The following PTK2 variants were observed in gnomAD, a reference collection of about 807,000 sequenced individuals.
PTK2 encodes the protein protein tyrosine kinase 2.
PTK2 carries 45 observed loss-of-function variants against 150.1 expected under a neutral mutation model. The observed-to-expected ratio is 0.30, with a 90% CI of 0.24 to 0.38. The LOEUF is 0.38. PTK2 is among the 10% of genes least tolerant of loss of function. The pLI is 1.00. For synonymous variants in PTK2, 432 were observed against 449.2 expected (o/e 0.96, Z 0.48); for missense variants, 919 against 1,307.3 (o/e 0.70, Z 4.58).
chr8:140,911,048 T>A (rs1280950613), intron 2 of PTK2, among the ~76,000 whole-genome samples: 1 of 53,460 alleles, frequency 1.9e-5, no homozygotes, highest in Non-Finnish European at 7.3e-5. Flanking sequence ...CCAGCTAAAT[T>A]TTTTTTTTTT....
intron 10 of PTK2, among the ~76,000 whole-genome samples, chr8:140,809,705 CTG>C (rs1469100859): frequency 6.6e-6 from 1 of 152,132 alleles, no homozygotes; most frequent in East Asian, 1.9e-4. Context: ...ACTTGGGAGA[CTG>C]AGGCAGGAGA....
At chr8:140,927,975 A>AAAAAAAAATATATAT in intron 1 of PTK2, among the ~76,000 whole-genome samples, 2 of 48,196 alleles carry the variant, frequency 4.1e-5, no homozygotes, top group African/African-American at 9.8e-5. Context: ...AAAAAAAAAA[A>AAAAAAAAATATATAT]ATATATATAT....
intron 22 of PTK2, among the ~76,000 whole-genome samples, chr8:140,720,232 CT>C (rs2100042135): frequency 6.6e-6 from 1 of 152,052 alleles, no homozygotes; most frequent in Non-Finnish European, 1.5e-5. Flanking sequence ...TTCAATTTTC[CT>C]TATTTATTTT....
chr8:140,827,186 C>CTA (rs2100112281), intron 8 of PTK2, among the ~76,000 whole-genome samples: 1 of 152,122 alleles, frequency 6.6e-6, no homozygotes, highest in Non-Finnish European at 1.5e-5. Context: ...CCCCTCAACT[C>CTA]CTACCTCAGC....
intron 8 of PTK2, among the ~76,000 whole-genome samples, chr8:140,826,662 T>C (rs555895414): frequency 1.3e-5 from 2 of 152,288 alleles, no homozygotes; most frequent in South Asian, 4.1e-4. Context: ...ACATCCGTAA[T>C]CCCAGCACTT....
chr8:140,811,036 C>A (rs1191323222), intron 10 of PTK2, among the ~76,000 whole-genome samples: 1 of 152,236 alleles, frequency 6.6e-6, no homozygotes, highest in Non-Finnish European at 1.5e-5. Context: ...CCACTAGCAA[C>A]CTGCCGGGCT....
exon 32 of PTK2, chr8:140,659,186 G>A: frequency 2.2e-6 from 1 of 456,344 alleles, no homozygotes; most frequent in Non-Finnish European, 3.9e-6. Flanking sequence ...TCTTCATGAT[G>A]CTTAAAAGCT....
chr8:140,708,969 A>C (rs1223603825), intron 23 of PTK2, among the ~76,000 whole-genome samples: 1 of 39,222 alleles, frequency 2.5e-5, no homozygotes, highest in Admixed American at 1.9e-4. Flanking sequence ...AAATTCAGGC[A>C]AAAAAAAAAA....
At chr8:140,737,500 C>CT (rs753440589) in intron 21 of PTK2, among the ~76,000 whole-genome samples, 1 of 152,160 alleles carries the variant, frequency 6.6e-6, no homozygotes, top group Non-Finnish European at 1.5e-5. Flanking sequence ...TTCTAGGAAA[C>CT]TTTATTAGTT....
exon 1 of PTK2, chr8:141,001,168 G>C (rs1435241793): frequency 6.6e-6 from 1 of 150,878 alleles, no homozygotes; most frequent in Non-Finnish European, 1.5e-5. Flanking sequence ...AGACGACGAC[G>C]GGGCGGCGCT....
intron 4 of PTK2, among the ~76,000 whole-genome samples, chr8:140,865,966 G>C (rs1393751838): frequency 2.6e-5 from 4 of 152,050 alleles, no homozygotes; most frequent in African/African-American, 7.2e-5. Flanking sequence ...TGTATTTTTA[G>C]TAGGGCTGGG....
chr8:140,735,424 A>G, exon 22 of PTK2: 1 of 1,614,130 alleles, frequency 6.2e-7, no homozygotes, highest in Non-Finnish European at 8.5e-7. Context: ...AAGGCTTCAC[A>G]CCATGCATCA....
chr8:140,751,059 C>T (rs368973741), intron 17 of PTK2, among the ~76,000 whole-genome samples: 4 of 151,974 alleles, frequency 2.6e-5, no homozygotes, highest in East Asian at 1.9e-4. Flanking sequence ...CACAGCGAGA[C>T]CCGAGACAGA....
At chr8:140,960,710 G>C (rs1009302481) in intron 1 of PTK2, among the ~76,000 whole-genome samples, 13 of 152,090 alleles carry the variant, frequency 8.5e-5, no homozygotes, top group Admixed American at 3.9e-4. Flanking sequence ...GGCTGGGCGC[G>C]GTGGCTCACT....
At chr8:140,940,421 T>A (rs190728762) in intron 1 of PTK2, 20 of 151,882 alleles carry the variant, frequency 1.3e-4, no homozygotes, top group African/African-American at 4.8e-4. Flanking sequence ...TGCACTCCAG[T>A]CTGGGTGACA....
Position 140,950,263 on chromosome 8 carries a change from C to T in PTK2, c.-121-24514G>A, listed in dbSNP as rs188054669. On this transcript the variant is annotated intron_variant, in intron 1 of 31. Transcript: ENST00000522684. ...CTCCTGCTTGCCATGTTGTGAGCAA[C>T]GAGCAGAGGAGAATCCCCGAGCCAG... Among the ~76,000 whole-genome samples, 14 of 152,324 alleles carry T rather than the reference C, an allele frequency of 9.2e-5. No homozygotes were observed. In the South Asian group the frequency reaches 2.1e-3, roughly 23 times the overall value.
At chr8:140,829,470 T>C (rs778233766) in intron 8 of PTK2, among the ~76,000 whole-genome samples, 3 of 152,232 alleles carry the variant, frequency 2.0e-5, no homozygotes, top group Non-Finnish European at 2.9e-5. Context: ...CTCTCTCTTT[T>C]GGTCTTTCTA....
intron 16 of PTK2, among the ~76,000 whole-genome samples, chr8:140,753,244 G>A (rs1016783269): frequency 1.3e-5 from 2 of 152,192 alleles, no homozygotes; most frequent in African/African-American, 4.8e-5. Flanking sequence ...TGAGATTCTG[G>A]TTATACTCTG....
intron 2 of PTK2, among the ~76,000 whole-genome samples, chr8:140,901,793 T>A (rs148527724): frequency 2.6e-5 from 4 of 152,210 alleles, no homozygotes; most frequent in Admixed American, 6.5e-5. Context: ...CTCATAACGC[T>A]ATCCCTCCCC....
Sources: gnomAD v4.1 joint callset for allele counts (sites outside exome capture counted in the v4.1 genomes callset) on GRCh38, gnomAD v4.1.1 for gene constraint, MANE v1.5 for transcripts, NCBI Gene and HGNC (gene_info 2026-07-23, HGNC 2026-07-21) for gene names.